The following ADGRD1 variants were observed in gnomAD, a reference collection of about 807,000 sequenced individuals.
ADGRD1 encodes the protein adhesion G protein-coupled receptor D1, also known as G-protein coupled receptor 133.
Under a neutral mutation model 113.4 loss-of-function variants are expected in ADGRD1, and 77 were observed. That is an observed-to-expected ratio of 0.68 (90% CI 0.57 to 0.82). ADGRD1 has a LOEUF of 0.82. ADGRD1 is among the 40% of genes least tolerant of loss of function. ADGRD1 has a pLI of 0.00. For missense variants in ADGRD1, 1,036 were observed against 1,139.1 expected, an observed-to-expected ratio of 0.91 and a Z score of 1.30; for synonymous variants, 474 against 475.0, an observed-to-expected ratio of 1.00 and a Z score of 0.03.
At chr12:130,978,862 T>C (rs1248655879) in intron 4 of ADGRD1, 2 of 152,232 alleles carry the variant, frequency 1.3e-5, no homozygotes, top group African/African-American at 4.8e-5. Flanking sequence ...TAACAAAAAT[T>C]TCACAACGCA....
intron 21 of ADGRD1, among the ~76,000 whole-genome samples, chr12:131,132,598 C>T (rs1593272453): frequency 6.6e-6 from 1 of 152,214 alleles, no homozygotes; most frequent in Admixed American, 6.5e-5. Context: ...CCCTGGTGGC[C>T]GAATGGCTGC....
intron 17 of ADGRD1, among the ~76,000 whole-genome samples, chr12:131,108,257 A>G (rs1049413040): frequency 1.3e-5 from 2 of 152,204 alleles, no homozygotes; most frequent in African/African-American, 4.8e-5. Flanking sequence ...CCCAGCATGT[A>G]GGGTTCAGCC....
intron 15 of ADGRD1, among the ~76,000 whole-genome samples, chr12:131,099,674 C>G (rs1227449659): frequency 6.6e-6 from 1 of 152,194 alleles, no homozygotes; most frequent in African/African-American, 2.4e-5. Context: ...TGGGAGATCT[C>G]AGGAGTTTTC....
At chr12:131,120,703 T>C in intron 19 of ADGRD1, 144 bp from the exon 20 acceptor site, 1 of 774,476 alleles carries the variant, frequency 1.3e-6, no homozygotes, top group South Asian at 1.4e-5. Context: ...AAAAATACAT[T>C]TGCAGGGATT....
At chr12:131,137,694 C>T (rs117576758) in intron 23 of ADGRD1, 16,620 of 246,142 alleles carry the variant, frequency 0.068, 717 homozygotes, top group Middle Eastern at 0.12. Flanking sequence ...GGATGGTGGC[C>T]GGGCAGAAGG....
At chr12:131,016,924 C>T (rs1878637428) in intron 13 of ADGRD1, among the ~76,000 whole-genome samples, 1 of 148,384 alleles carries the variant, frequency 6.7e-6, no homozygotes, top group Non-Finnish European at 1.5e-5. Flanking sequence ...AGGCAGGAGG[C>T]TTGTTCTGAA....
chr12:130,954,474 G>T lies in ADGRD1; in HGVS notation c.9G>T (p.Lys3Asn), dbSNP rs772718400. ME[K>N]LLRLCCWYSW... ...TGACCTCCGAGAGAGCCATGGAAAA[G>T]CTGCTGCGGCTGTGCTGCTGGTACT... Residue 3 changes from lysine to asparagine, a missense_variant, in exon 1 of 25, where the codon AAG becomes AAT. Coordinates refer to ENST00000261654, the MANE Select transcript of ADGRD1 (RefSeq NM_198827.5). This position sits in a 1 kb window ranked among gnomAD's most constrained non-coding sequence, Gnocchi z 4.7. 2.6e-6 allele frequency: 4 copies of T among 1,545,302 alleles called. No homozygotes were observed. The highest frequency in any genetic ancestry group is 3.5e-6 in the Non-Finnish European group (4 of 1,146,068).
intron 15 of ADGRD1, among the ~76,000 whole-genome samples, chr12:131,103,986 C>T (rs1950162908): frequency 1.3e-5 from 2 of 152,222 alleles, no homozygotes; most frequent in South Asian, 4.1e-4. Context: ...GAGGCCCCGA[C>T]TTCAGAACCG....
intron 12 of ADGRD1, among the ~76,000 whole-genome samples, chr12:131,012,072 G>A (rs1877990390): frequency 6.6e-6 from 1 of 152,106 alleles, no homozygotes; most frequent in Non-Finnish European, 1.5e-5. Context: ...TTGTTCTTCC[G>A]GGGAAACATC....
chr12:130,991,499 T>C (rs1315920182), intron 7 of ADGRD1, among the ~76,000 whole-genome samples: 17 of 152,178 alleles, frequency 1.1e-4, no homozygotes, highest in Admixed American at 9.8e-4. Flanking sequence ...GTTAATATAA[T>C]AGTGAGTGCA....
chr12:131,106,317 C>A (rs1950235077), intron 17 of ADGRD1, among the ~76,000 whole-genome samples: 1 of 152,222 alleles, frequency 6.6e-6, no homozygotes, highest in South Asian at 2.1e-4. Flanking sequence ...ACAGTTGTGC[C>A]ACCTCTGTTC....
rs527430762 is a variant in ADGRD1 at position 131,075,187 on chromosome 12, T to C, written c.1474-1614T>C. Among the ~76,000 whole-genome samples the C allele has an allele frequency of 3.0e-4, 46 of 152,222 alleles. No homozygotes were observed. Among genetic ancestry groups the C allele is most frequent in the Non-Finnish European group, 5.1e-4 (35 of 68,042 alleles). On this transcript the variant is annotated intron_variant, in intron 13 of 24. Transcript: ENST00000261654. This position sits in a 1 kb window ranked among gnomAD's most constrained non-coding sequence, Gnocchi z 5.3. ...TCAGGTAACACACAAATACGCCTCC[T>C]TGTTAAAAAATTACATATAACGCTG...
At chr12:131,102,182 C>G (rs569701077) in intron 15 of ADGRD1, among the ~76,000 whole-genome samples, 1 of 152,194 alleles carries the variant, frequency 6.6e-6, no homozygotes, top group South Asian at 2.1e-4. Context: ...TAATGTCATG[C>G]GGAAACTGGA....
rs113336169 is a variant in ADGRD1, at chr12:131,051,754, G to C, written c.1474-25047G>C. Among the ~76,000 whole-genome samples the C allele has an allele frequency of 6.8e-3, 1,035 of 152,244 alleles. 15 individuals are homozygous for C. Among genetic ancestry groups the C allele is most frequent in the African/African-American group, 0.023 (939 of 41,550 alleles). On this transcript the variant is annotated intron_variant, in intron 13 of 24. Transcript: ENST00000261654. ...ACCTGCCTTGGCCTCCCAAAGTGCT[G>C]GGATTTCAGGTGTGAGCTACCGCGC...
intron 12 of ADGRD1, among the ~76,000 whole-genome samples, chr12:131,006,582 C>T (rs1456272201): frequency 1.4e-4 from 22 of 151,842 alleles, no homozygotes; most frequent in Admixed American, 1.4e-3. Flanking sequence ...CAGGCCCCTC[C>T]ATAGGAGCAG....
Position 131,014,239 on chromosome 12 carries a change from G to A in ADGRD1, c.1372G>A (p.Ala458Thr), listed in dbSNP as rs140426880. The A allele has an allele frequency of 7.5e-4, 1,214 of 1,613,984 alleles. 6 individuals are homozygous for A. The African/African-American group carries it at 0.012, about 16-fold the overall frequency. Residue 458 changes from alanine to threonine, a missense_variant, in exon 13 of 25, where the codon GCC (alanine) becomes ACC (threonine). Physicochemically the swap from Ala to Thr is moderately conservative, Grantham distance 58. Transcript: ENST00000261654. ...GCATCACCAGGACTGCCTGCTGTTC[G>A]CCACCAGCCACCTGATTTCCCTGGA... ...AMHHQDCLLF[A>T]TSHLISLEVS...
At chr12:131,043,182 G>A (rs73477378) in intron 13 of ADGRD1, among the ~76,000 whole-genome samples, 2,569 of 152,292 alleles carry the variant, frequency 0.017, 75 homozygotes, top group African/African-American at 0.058. Context: ...AGCCCGGCCC[G>A]GGGCTGAGCA....
chr12:131,083,011 C>T (rs1886185625), intron 14 of ADGRD1, among the ~76,000 whole-genome samples: 1 of 152,204 alleles, frequency 6.6e-6, no homozygotes, highest in African/African-American at 2.4e-5. Context: ...TACCGTTGCC[C>T]GAGGCTGCTG....
chr12:131,040,577 C>T (rs1882020637), intron 13 of ADGRD1, among the ~76,000 whole-genome samples: 1 of 152,240 alleles, frequency 6.6e-6, no homozygotes, highest in Non-Finnish European at 1.5e-5. Flanking sequence ...CCCCTTGAGC[C>T]AGGGCAGGGA....
Sources: gnomAD v4.1 joint callset for allele counts (sites outside exome capture counted in the v4.1 genomes callset) on GRCh38, gnomAD v4.1.1 for gene constraint, Gnocchi (gnomAD v3.1) non-coding constraint, MANE v1.5 for transcripts, NCBI Gene and HGNC (gene_info 2026-07-23, HGNC 2026-07-21) for gene names.